Variants in LMNTD2 observed in about 807,000 individuals in gnomAD.
The protein encoded by LMNTD2 is lamin tail domain-containing protein 2.
In LMNTD2, 83 loss-of-function variants were observed where a neutral mutation model predicts 70.1. The observed-to-expected ratio is 1.18, with a 90% CI of 0.99 to 1.42. The LOEUF is 1.42. LMNTD2 is among the 40% of genes most tolerant of loss of function. The pLI is 0.00. For missense variants in LMNTD2, 1,153 were observed against 905.9 expected (o/e 1.27, Z -3.50); for synonymous variants, 534 against 406.1 (o/e 1.31, Z -3.79).
At position 558,990 on chromosome 11, in the gene LMNTD2, C is replaced by T. The variant is rs141156542; in HGVS notation, c.35-11G>A. 3 of 1,597,670 alleles carry T rather than the reference C, an allele frequency of 1.9e-6. No homozygotes were observed. Among genetic ancestry groups the T allele is most frequent in the Non-Finnish European group, 2.5e-6 (3 of 1,178,304 alleles). ...TGACCGACTCTTGCTCTGTGGGGGA[C>T]AGGAGAGCCTCTTCCTCGGTTTCTT... On this transcript the variant is annotated splice_polypyrimidine_tract_variant and intron_variant, in intron 1 of 13. Coordinates refer to ENST00000329451, the MANE Select transcript of LMNTD2 (RefSeq NM_173573.3).
chr11:560,396 C>A (rs1165483096), intron 1 of LMNTD2: 1 of 1,216,060 alleles, frequency 8.2e-7, no homozygotes, highest in Non-Finnish European at 1.0e-6. Flanking sequence ...GCCTTCTGAG[C>A]GGGCACCTCC....
intron 1 of LMNTD2, chr11:559,873 C>T: frequency 1.6e-6 from 1 of 610,272 alleles, no homozygotes; most frequent in East Asian, 1.2e-4. Context: ...GATCCTCCCA[C>T]TTCCGCCTCC....
At position 556,123 on chromosome 11, in the gene LMNTD2, G is replaced by C. The variant is rs779757744; in HGVS notation, c.1258-8C>G. ...GGTCGCCTCGCCCCAGACCTGGAGG[G>C]GCGTGGAGCGGCGGGTGAGGGGCGG... On this transcript the variant is annotated splice_region_variant and splice_polypyrimidine_tract_variant and intron_variant, in intron 10 of 13. Transcript: ENST00000329451. 7.2e-7 allele frequency: 1 copy of C among 1,397,730 alleles called. No homozygotes were observed. Among genetic ancestry groups the C allele is most frequent in the South Asian group, 1.6e-5 (1 of 61,728 alleles). 86.6% of individuals were successfully genotyped at this position (1,397,730 alleles called of 1,614,324 possible).
Position 558,938 on chromosome 11 carries a change from C to T in LMNTD2, c.76G>A (p.Ala26Thr), listed in dbSNP as rs374252641. The change falls in exon 2 of 14, where the codon GCA becomes ACA. Residue 26 changes from alanine (A) to threonine (T), a missense_variant. Physicochemically the swap from Ala to Thr is moderately conservative, Grantham distance 58 (BLOSUM62 0). Coordinates refer to ENST00000329451, the MANE Select transcript of LMNTD2 (RefSeq NM_173573.3). ...VSGHLGPPAG[A>T]PAAPETPTCL... Reference sequence around the variant, plus strand: ...GTGGGAGTCTCGGGGGCTGCAGGTGCGCCTGCTGGAGGTCCCAGGTGACCA... The same window carrying T: ...GTGGGAGTCTCGGGGGCTGCAGGTGTGCCTGCTGGAGGTCCCAGGTGACCA... The T allele has an allele frequency of 5.0e-5, 81 of 1,606,178 alleles. No homozygotes were observed. The highest frequency in any genetic ancestry group is 6.7e-5 in the Admixed American group (4 of 60,002).
chr11:557,364 C>T (rs576897294), intron 7 of LMNTD2, 35 bp downstream of exon 7: 13 of 1,562,088 alleles, frequency 8.3e-6, no homozygotes, highest in South Asian at 1.2e-5. Flanking sequence ...GCCCTCCCTT[C>T]TGGCCCCTGG....
chr11:554,930 C>T lies in LMNTD2; in HGVS notation c.*50G>A, dbSNP rs1852687799. On this transcript the variant is annotated 3_prime_UTR_variant, in exon 14 of 14. Coordinates refer to ENST00000329451, the MANE Select transcript of LMNTD2 (RefSeq NM_173573.3). ...GCAGCGGACACAGCCCGCCCAGCCC[C>T]GGCGCCCGCCCGCGCCCTCCCTCGC... 1 of 1,384,508 alleles carries T rather than the reference C, an allele frequency of 7.2e-7. No individual in the cohort carries two copies. The highest frequency in any genetic ancestry group is 2.8e-5 in the East Asian group (1 of 35,734). The allele number at this position is 1,384,508 out of a possible 1,614,324, so 85.8% of individuals were successfully genotyped here.
At chr11:557,376 G>A (rs1470951886) in intron 7 of LMNTD2, 23 bp downstream of exon 7, 2 of 1,573,740 alleles carry the variant, frequency 1.3e-6, no homozygotes, top group South Asian at 2.3e-5. Context: ...GGCCCCTGGG[G>A]AGTCCCTGCT....
chr11:560,467 G>T, intron 1 of LMNTD2: 1 of 1,253,676 alleles, frequency 8.0e-7, no homozygotes, highest in Non-Finnish European at 1.0e-6. Flanking sequence ...CGGGACTGGT[G>T]ACCCTGCGAC....
At position 557,563 on chromosome 11, in the gene LMNTD2, C is replaced by A; in HGVS notation, c.624+9G>T. The A allele has an allele frequency of 6.2e-7, 1 of 1,613,456 alleles. No homozygotes were observed. The highest frequency in any genetic ancestry group is 1.1e-5 in the South Asian group (1 of 91,086). On this transcript the variant is annotated intron_variant, in intron 6 of 13. Coordinates refer to ENST00000329451, the MANE Select transcript of LMNTD2 (RefSeq NM_173573.3). ...ATACCAGACCACACACGTGGGAGGC[C>A]TAGCTCACCTCCCCGGTGGGGGCCT... is the stretch of plus-strand genomic sequence containing the variant.
At chr11:556,748 C>T (rs1473917425) in intron 8 of LMNTD2, 87 bp downstream of exon 8, 2 of 1,445,086 alleles carry the variant, frequency 1.4e-6, no homozygotes, top group African/African-American at 1.4e-5. Context: ...GGCTGGAGGG[C>T]CACCTCCAGG....
chr11:557,709 C>T, intron 5 of LMNTD2, 69 bp from the exon 6 acceptor site: 5 of 1,609,644 alleles, frequency 3.1e-6, no homozygotes, highest in South Asian at 2.2e-5. Context: ...TCCTCTTTGA[C>T]CTCACCTGTG....
chr11:555,852 C>T lies in LMNTD2; in HGVS notation c.1456G>A (p.Asp486Asn), dbSNP rs1852825074. ...VFADGTDLSI[D>N]RFPLPEAGPG... ...CCGGCCTCAGGGAGCGGGAAGCGGT[C>T]GATGGACAAGTCGGTGCCGTCGGCG... Residue 486 changes from aspartate to asparagine, a missense_variant, in exon 12 of 14, where the codon GAC (aspartate) becomes AAC (asparagine). Physicochemically the swap from Asp to Asn is conservative, Grantham distance 23. Coordinates refer to ENST00000329451, the MANE Select transcript of LMNTD2 (RefSeq NM_173573.3). The T allele has an allele frequency of 6.4e-7, 1 of 1,557,772 alleles. No individual in the cohort carries two copies. Among genetic ancestry groups the T allele is most frequent in the East Asian group, 2.6e-5 (1 of 38,210 alleles).
At chr11:555,136 C>T in intron 13 of LMNTD2, 25 bp from the exon 14 acceptor site, 3 of 863,772 alleles carry the variant, frequency 3.5e-6, no homozygotes, top group Non-Finnish European at 4.6e-6. Flanking sequence ...GGCTGAGAGG[C>T]GCGCGGGGCG....
Position 556,849 on chromosome 11 carries a change from C to A in LMNTD2, c.962G>T (p.Ser321Ile). Residue 321 changes from serine (S) to isoleucine (I), a missense_variant, in exon 8 of 14, where the codon AGC becomes ATC. Transcript: ENST00000329451. ...EQALVQAGSY[S>I]RDSEDLQKTH... Reference sequence around the variant, plus strand: ...CCCCACTGCACCTTCTGAGTCCCTGCTGTAGCTGCCGGCCTGCACCAGCGC... The same window carrying A: ...CCCCACTGCACCTTCTGAGTCCCTGATGTAGCTGCCGGCCTGCACCAGCGC... 1 of 1,580,046 alleles carries A rather than the reference C, an allele frequency of 6.3e-7. No individual in the cohort carries two copies. The highest frequency in any genetic ancestry group is 1.2e-5 in the South Asian group (1 of 86,892).
chr11:555,160 A>AGGGGAGGGGAGCGGC, intron 13 of LMNTD2, 49 bp from the exon 14 acceptor site: 1 of 282,428 alleles, frequency 3.5e-6, no homozygotes, highest in Non-Finnish European at 5.7e-6. Context: ...CGGGGACGGG[A>AGGGGAGGGGAGCGGC]GGGGAGGGGA....
chr11:558,563 C>G, intron 3 of LMNTD2, 51 bp downstream of exon 3: 1 of 1,551,280 alleles, frequency 6.4e-7, no homozygotes, highest in East Asian at 2.3e-5. Flanking sequence ...AACCAGGAGT[C>G]CGGGCGAGGA....
chr11:556,616 G>T, intron 8 of LMNTD2, 28 bp from the exon 9 acceptor site: 1 of 1,482,062 alleles, frequency 6.7e-7, no homozygotes, highest in Non-Finnish European at 9.0e-7. Context: ...TTTGGGGAGG[G>T]GACCCTCGAA....
At chr11:559,992 C>T (rs1198222588) in intron 1 of LMNTD2, 2 of 172,734 alleles carry the variant, frequency 1.2e-5, no homozygotes, top group African/African-American at 2.4e-5. Flanking sequence ...TGAAGCCTCA[C>T]TTTTCCCAGC....
rs1362599164 is a variant in LMNTD2, at chr11:556,984, C to T, written c.827G>A (p.Ser276Asn). The T allele has an allele frequency of 1.9e-6, 3 of 1,607,788 alleles. No homozygotes were observed. The highest frequency in any genetic ancestry group is 2.7e-5 in the African/African-American group (2 of 75,020). ...GTCGGAGTCAGCGCCCCCTGAGCTG[C>T]TGGTGTTCAGACAGGGCAGGGAGCC... is the stretch of plus-strand genomic sequence containing the variant. Reference protein sequence around the residue: ...EWGSLPCLNTSSSGGADSDSS... With the variant: ...EWGSLPCLNTNSSGGADSDSS... The change falls in exon 8 of 14, where the codon AGC becomes AAC. Residue 276 changes from serine to asparagine, a missense_variant. Ser to Asn is a conservative substitution (Grantham distance 46). Coordinates refer to ENST00000329451, the MANE Select transcript of LMNTD2 (RefSeq NM_173573.3).
Sources: allele counts gnomAD v4.1 joint callset, GRCh38; gene constraint gnomAD v4.1.1; transcripts MANE v1.5; gene names NCBI Gene and HGNC (gene_info 2026-07-23, HGNC 2026-07-21).